The following LYST variants were observed in gnomAD, a reference collection of about 807,000 sequenced individuals.
LYST encodes the protein lysosomal-trafficking regulator.
A neutral mutation model predicts 413.6 loss-of-function variants in LYST; 192 were observed. The observed-to-expected ratio is 0.46, with a 90% CI of 0.41 to 0.52. The LOEUF (loss-of-function observed/expected upper bound fraction) is 0.52. LYST is among the 20% of genes least tolerant of loss of function. LYST has a pLI of 0.00. For missense variants in LYST, 3,815 were observed against 4,499.9 expected (o/e 0.85, Z 4.35); for synonymous variants, 1,525 against 1,567.3 (o/e 0.97, Z 0.64).
intron 20 of LYST, among the ~76,000 whole-genome samples, chr1:235,767,026 C>T (rs1668213162): frequency 6.6e-6 from 1 of 152,028 alleles, no homozygotes; most frequent in Non-Finnish European, 1.5e-5. Flanking sequence ...GTAGGTAGTA[C>T]AATTATAACT....
At chr1:235,834,692 G>C (rs1221897252) in intron 1 of LYST, among the ~76,000 whole-genome samples, 1 of 152,174 alleles carries the variant, frequency 6.6e-6, no homozygotes, top group African/African-American at 2.4e-5. Context: ...GCAGGGCTTT[G>C]TGTGAATTAG....
At chr1:235,848,194 C>T (rs1013769604) in intron 1 of LYST, among the ~76,000 whole-genome samples, 1 of 152,158 alleles carries the variant, frequency 6.6e-6, no homozygotes, top group Non-Finnish European at 1.5e-5. Flanking sequence ...TCTCAGACCA[C>T]AGCGGCATAA....
At chr1:235,725,390 C>T (rs763428944) in intron 38 of LYST, among the ~76,000 whole-genome samples, 15 of 152,172 alleles carry the variant, frequency 9.9e-5, no homozygotes, top group South Asian at 2.1e-4. Flanking sequence ...GCCGAGATCA[C>T]GCCACTGCAC....
chr1:235,708,945 C>A, intron 44 of LYST, 146 bp downstream of exon 44: 1 of 728,130 alleles, frequency 1.4e-6, no homozygotes, highest in Non-Finnish European at 2.4e-6. Flanking sequence ...AAATATAAAA[C>A]CTGAAAAATC....
intron 16 of LYST, among the ~76,000 whole-genome samples, chr1:235,778,682 T>C (rs1669558669): frequency 6.6e-6 from 1 of 151,998 alleles, no homozygotes; most frequent in East Asian, 1.9e-4. Flanking sequence ...CCACCGTGCC[T>C]GGCCTGTGCT....
At chr1:235,675,686 A>G (rs1659328902) in intron 50 of LYST, among the ~76,000 whole-genome samples, 1 of 152,164 alleles carries the variant, frequency 6.6e-6, no homozygotes, top group Non-Finnish European at 1.5e-5. Flanking sequence ...GCCGCTGTTC[A>G]TTTCTATCCT....
At chr1:235,828,677 A>G (rs1190547591) in intron 3 of LYST, 1 of 607,268 alleles carries the variant, frequency 1.6e-6, no homozygotes, top group African/African-American at 2.0e-5. Flanking sequence ...ACTATTACTG[A>G]TGCTATTTAT....
intron 16 of LYST, 57 bp downstream of exon 16, chr1:235,780,808 A>C: frequency 1.5e-6 from 1 of 674,424 alleles, no homozygotes; most frequent in East Asian, 3.0e-5. Flanking sequence ...ATACATTACA[A>C]TAAATATACC....
At chr1:235,729,552 A>C (rs1432184581) in intron 37 of LYST, 44 bp downstream of exon 37, 1 of 1,234,224 alleles carries the variant, frequency 8.1e-7, no homozygotes, top group African/African-American at 1.5e-5. Context: ...AGAATCAAAT[A>C]AGGCAGGGTG....
At chr1:235,694,420 T>C (rs1005550817) in intron 46 of LYST, among the ~76,000 whole-genome samples, 3 of 152,202 alleles carry the variant, frequency 2.0e-5, no homozygotes, top group Non-Finnish European at 1.5e-5. Flanking sequence ...GTTGGTATGC[T>C]GAATATAGCT....
At chr1:235,816,070 C>G (rs1572355080) in intron 3 of LYST, among the ~76,000 whole-genome samples, 1 of 126,194 alleles carries the variant, frequency 7.9e-6, no homozygotes, top group East Asian at 2.6e-4. Flanking sequence ...GAGGAAGATG[C>G]AGTGAGCCAA....
intron 7 of LYST, among the ~76,000 whole-genome samples, chr1:235,803,509 T>C (rs1351015764): frequency 2.6e-5 from 4 of 152,124 alleles, no homozygotes; most frequent in Admixed American, 1.3e-4. Context: ...GACATTTTTT[T>C]CAAAGGGATT....
At chr1:235,799,140 G>C (rs750626080) in intron 10 of LYST, among the ~76,000 whole-genome samples, 4 of 152,122 alleles carry the variant, frequency 2.6e-5, no homozygotes, top group Non-Finnish European at 5.9e-5. Flanking sequence ...ATAAGTAAAT[G>C]AATGAGAAGA....
intron 1 of LYST, among the ~76,000 whole-genome samples, chr1:235,850,130 A>G (rs894958277): frequency 6.6e-6 from 1 of 152,208 alleles, no homozygotes; most frequent in Admixed American, 6.5e-5. Flanking sequence ...AAACTATACT[A>G]TAAGGCCATA....
intron 43 of LYST, 24 bp downstream of exon 43, chr1:235,712,033 A>G: frequency 6.7e-7 from 1 of 1,498,328 alleles, no homozygotes; most frequent in Non-Finnish European, 9.0e-7. Flanking sequence ...AGAAATATAA[A>G]TTAAAAATAA....
intron 28 of LYST, among the ~76,000 whole-genome samples, chr1:235,750,731 T>C (rs139654273): frequency 6.6e-6 from 1 of 152,332 alleles, no homozygotes; most frequent in African/African-American, 2.4e-5. Flanking sequence ...GAATGCACTG[T>C]TTCTTCTTTA....
upstream of LYST, among the ~76,000 whole-genome samples, chr1:235,867,131 C>T (rs967514967): frequency 6.6e-6 from 1 of 152,184 alleles, no homozygotes. Flanking sequence ...GGCAGGGGGG[C>T]GGGCCGACCC....
intron 34 of LYST, among the ~76,000 whole-genome samples, 175 bp downstream of exon 34, chr1:235,733,328 T>TA (rs965664561): frequency 6.7e-4 from 102 of 151,968 alleles, no homozygotes; most frequent in African/African-American, 2.2e-3. Flanking sequence ...CCTCAAGAAT[T>TA]AAAAAAAACT....
chr1:235,672,643 T>C (rs1164026901), intron 50 of LYST, among the ~76,000 whole-genome samples: 2 of 152,210 alleles, frequency 1.3e-5, no homozygotes, highest in African/African-American at 2.4e-5. Flanking sequence ...GAACTTTCCA[T>C]TGTGAAAAGG....
Sources: gnomAD v4.1 joint callset for allele counts (sites outside exome capture counted in the v4.1 genomes callset) on GRCh38, gnomAD v4.1.1 for gene constraint, MANE v1.5 for transcripts, NCBI Gene and HGNC (gene_info 2026-07-23, HGNC 2026-07-21) for gene names.